SHE: variants seen among roughly 807,000 people sequenced by gnomAD.
SHE encodes Src homology 2 domain containing E.
SHE carries 11 observed loss-of-function variants against 49.8 expected under a neutral mutation model. The ratio of observed to expected loss-of-function variants is 0.22; its 90% CI spans 0.14 to 0.37. The LOEUF (loss-of-function observed/expected upper bound fraction) is 0.37. Ranked by LOEUF, SHE falls within the 10% of genes least tolerant of loss-of-function variation. The pLI is 1.00. For missense variants in SHE, 624 were observed against 655.5 expected (o/e 0.95, Z 0.52); for synonymous variants, 310 against 278.1 (o/e 1.11, Z -1.14).
Position 154,480,793 on chromosome 1 carries a change from G to A in SHE, c.*3356C>T. On this transcript the variant is annotated 3_prime_UTR_variant, in exon 6 of 6. Transcript: ENST00000304760. ...TAGCTTAAATACACACAAGGCCAGTGGTTTGCAGGCCATCCTGAGATACAA... is the reference window on the plus strand; with the variant it reads ...TAGCTTAAATACACACAAGGCCAGTAGTTTGCAGGCCATCCTGAGATACAA... 1.0e-6 allele frequency: 1 copy of A among 985,374 alleles called. No individual in the cohort carries two copies. The highest frequency in any genetic ancestry group is 1.2e-6 in the Non-Finnish European group (1 of 829,930). The allele number at this position is 985,374 out of a possible 1,614,324, so 61.0% of individuals were successfully genotyped here.
At chr1:154,499,361 C>A in intron 1 of SHE, 123 bp from the exon 2 acceptor site, 1 of 1,121,604 alleles carries the variant, frequency 8.9e-7, no homozygotes, top group Non-Finnish European at 1.2e-6. Context: ...TAACCAGTTC[C>A]AGATAGCTTT....
At chr1:154,493,455 A>C (rs1020043698) in intron 2 of SHE, among the ~76,000 whole-genome samples, 2 of 152,236 alleles carry the variant, frequency 1.3e-5, no homozygotes, top group African/African-American at 4.8e-5. Context: ...AAATGGCAAG[A>C]GGAAGCTACA....
At chr1:154,492,784 A>G (rs1342899204) in intron 2 of SHE, among the ~76,000 whole-genome samples, 1 of 152,238 alleles carries the variant, frequency 6.6e-6, no homozygotes, top group African/African-American at 2.4e-5. Context: ...GTTTCTAATC[A>G]TAGTTTACAC....
Position 154,482,493 on chromosome 1 carries a change from A to G in SHE, c.*1656T>C. On this transcript the variant is annotated 3_prime_UTR_variant, in exon 6 of 6. Coordinates refer to ENST00000304760, the MANE Select transcript of SHE (RefSeq NM_001010846.3). ...AGTAACTACAAAGGTATACTTTCCT[A>G]AAAAATTAACCAAATCAACATTTTG... is the stretch of plus-strand genomic sequence containing the variant. 1.0e-6 allele frequency: 1 copy of G among 985,366 alleles called. No homozygotes were observed. The highest frequency in any genetic ancestry group is 1.2e-6 in the Non-Finnish European group (1 of 829,840). 61.0% of individuals were successfully genotyped at this position (985,366 alleles called of 1,614,324 possible).
In SHE at chr1:154,481,160, A is replaced by G; in HGVS notation, c.*2989T>C. ...AGCTGGCCATGGAGGTTTAACAAGG[A>G]AGCCATTAGGGACACCCTGCTGGGC... On this transcript the variant is annotated 3_prime_UTR_variant, in exon 6 of 6. Coordinates refer to ENST00000304760, the MANE Select transcript of SHE (RefSeq NM_001010846.3). The G allele has an allele frequency of 3.0e-6, 3 of 985,456 alleles. No homozygotes were observed. The highest frequency in any genetic ancestry group is 3.6e-6 in the Non-Finnish European group (3 of 829,926). 61.0% of individuals were successfully genotyped at this position (985,456 alleles called of 1,614,324 possible).
chr1:154,488,416 G>A (rs1188251894), intron 3 of SHE, among the ~76,000 whole-genome samples: 5 of 151,642 alleles, frequency 3.3e-5, no homozygotes, highest in Admixed American at 6.6e-5. Context: ...ACGCCACCAC[G>A]TCCAGCTAAT....
chr1:154,501,322 G>A lies in SHE; in HGVS notation c.591+114C>T, dbSNP rs1692729797. The A allele has an allele frequency of 3.3e-6, 3 of 922,090 alleles. No individual in the cohort carries two copies. In the East Asian group the frequency reaches 7.3e-5, roughly 22 times the overall value. The allele number at this position is 922,090 out of a possible 1,614,324, so 57.1% of individuals were successfully genotyped here. On this transcript the variant is annotated intron_variant, in intron 1 of 5. Coordinates refer to ENST00000304760, the MANE Select transcript of SHE (RefSeq NM_001010846.3). ...ATTCCCAAATGGTGGAGGGAGAAAG[G>A]ACCTTAGGAAACCTATCCTCACTGC...
Position 154,494,011 on chromosome 1 carries a change from G to A in SHE, c.719-4655C>T, listed in dbSNP as rs941797722. ...ATGCTTTATGCTCAAATGATTTCAC[G>A]TAAAATGTTAATTCCAATTTCCAAA... On this transcript the variant is annotated intron_variant, in intron 2 of 5. Coordinates refer to ENST00000304760, the MANE Select transcript of SHE (RefSeq NM_001010846.3). Among the ~76,000 whole-genome samples the A allele has an allele frequency of 7.2e-5, 11 of 152,132 alleles. No homozygotes were observed. In the South Asian group the frequency reaches 1.9e-3, roughly 26 times the overall value.
At chr1:154,486,978 A>C (rs947556315) in intron 3 of SHE, among the ~76,000 whole-genome samples, 6 of 152,062 alleles carry the variant, frequency 3.9e-5, no homozygotes, top group African/African-American at 1.4e-4. Context: ...CTTTTAAAAA[A>C]CTTGTGGTTT....
At chr1:154,494,849 C>G (rs149255951) in intron 2 of SHE, among the ~76,000 whole-genome samples, 1 of 152,124 alleles carries the variant, frequency 6.6e-6, no homozygotes, top group Non-Finnish European at 1.5e-5. Context: ...GCCAGGAGTT[C>G]GAGACCAGTC....
intron 3 of SHE, among the ~76,000 whole-genome samples, chr1:154,488,039 A>G (rs527821838): frequency 6.7e-6 from 1 of 149,958 alleles, no homozygotes; most frequent in African/African-American, 2.5e-5. Flanking sequence ...TCCTGGGTTC[A>G]AGCAATTCTC....
intron 4 of SHE, 25 bp from the exon 5 acceptor site, chr1:154,486,087 G>T (rs1692167144): frequency 1.9e-6 from 3 of 1,605,992 alleles, no homozygotes; most frequent in Non-Finnish European, 1.7e-6. Context: ...TGGAAGAGGG[G>T]AAAGCACCAT....
At chr1:154,486,388 TG>T in intron 4 of SHE, 138 bp downstream of exon 4, 1 of 1,207,318 alleles carries the variant, frequency 8.3e-7, no homozygotes, top group Non-Finnish European at 1.1e-6. Flanking sequence ...GCTTTGAAGA[TG>T]GGTTTTCATT....
At chr1:154,487,800 T>G (rs1440756321) in intron 3 of SHE, among the ~76,000 whole-genome samples, 1 of 147,370 alleles carries the variant, frequency 6.8e-6, no homozygotes, top group East Asian at 2.0e-4. Flanking sequence ...CAGTGAGCCA[T>G]GATCACACCA....
intron 1 of SHE, among the ~76,000 whole-genome samples, chr1:154,474,261 G>T (rs1691823357): frequency 6.6e-6 from 1 of 152,216 alleles, no homozygotes; most frequent in African/African-American, 2.4e-5. Context: ...ACATACAAAG[G>T]CATGGCTTGG....
chr1:154,490,146 T>C (rs925332988), intron 2 of SHE, among the ~76,000 whole-genome samples: 1 of 152,248 alleles, frequency 6.6e-6, no homozygotes, highest in Non-Finnish European at 1.5e-5. Flanking sequence ...TCTTGACTCC[T>C]ATGCAGTTTC....
chr1:154,471,660 ATAAAGT>A (rs1487525916), intron 1 of SHE, among the ~76,000 whole-genome samples: 1 of 149,860 alleles, frequency 6.7e-6, no homozygotes, highest in Non-Finnish European at 1.5e-5. Context: ...CACAACTTGA[ATAAAGT>A]TAAGTTTTTC....
intron 4 of SHE, 86 bp from the exon 5 acceptor site, chr1:154,486,148 T>G: frequency 1.9e-6 from 3 of 1,551,218 alleles, no homozygotes; most frequent in Non-Finnish European, 2.6e-6. Context: ...AAGCGTTGTT[T>G]GAAATGAACT....
At chr1:154,497,259 T>G (rs1692558650) in intron 2 of SHE, among the ~76,000 whole-genome samples, 1 of 152,224 alleles carries the variant, frequency 6.6e-6, no homozygotes, top group Admixed American at 6.5e-5. Flanking sequence ...GCTCAACTCT[T>G]CTGAGACTAT....
Sources: gnomAD v4.1 joint callset for allele counts (sites outside exome capture counted in the v4.1 genomes callset) on GRCh38, gnomAD v4.1.1 for gene constraint, MANE v1.5 for transcripts, NCBI Gene and HGNC (gene_info 2026-07-23, HGNC 2026-07-21) for gene names.